The following VASP variants were observed in gnomAD, a reference collection of about 807,000 sequenced individuals.
The protein encoded by VASP is vasodilator stimulated phosphoprotein, also known as vasodilator-stimulated phosphoprotein.
A neutral mutation model predicts 54.4 loss-of-function variants in VASP; 27 were observed. That is an observed-to-expected ratio of 0.50 (90% CI 0.37 to 0.68). The LOEUF (loss-of-function observed/expected upper bound fraction) is 0.68, where lower values mean the gene tolerates loss of function less well. Among genes scored for constraint, VASP ranks in the 30% least tolerant of loss-of-function variants. The pLI is 0.00. For missense variants in VASP, 488 were observed against 528.3 expected (o/e 0.92, Z 0.75); for synonymous variants, 233 against 209.8 (o/e 1.11, Z -0.96).
rs1568390471 is a variant in VASP at position 45,523,189 on chromosome 19, A to ATTTTTT, written c.821+371_821+372insTTTTTT. ...CTGATTCTAGAACCACAATCTCTTGAATTTTTTTTTTTTTTTTTTTTTTTT... is the reference window on the plus strand; with the variant it reads ...CTGATTCTAGAACCACAATCTCTTGATTTTTTATTTTTTTTTTTTTTTTTTTTTTTT... On this transcript the variant is annotated intron_variant, in intron 7 of 12. Transcript: ENST00000245932. 8.1e-3 allele frequency among the ~76,000 whole-genome samples: 866 copies of ATTTTTT among 106,870 alleles called. 64 individuals carry two copies. Among genetic ancestry groups the ATTTTTT allele is most frequent in the African/African-American group, 8.9e-3 (220 of 24,702 alleles). The allele number at this position is 106,870 out of a possible 152,430, so 70.1% of individuals were successfully genotyped here.
chr19:45,510,225 G>T (rs1990389), intron 1 of VASP, among the ~76,000 whole-genome samples: 23,492 of 119,592 alleles, frequency 0.2, 2,044 homozygotes, highest in East Asian at 0.32. Context: ...TTTTTTTGTT[G>T]GTTTGTTTGT....
intron 3 of VASP, among the ~76,000 whole-genome samples, chr19:45,520,380 G>A (rs574091587): frequency 8.5e-5 from 13 of 152,276 alleles, no homozygotes; most frequent in African/African-American, 2.4e-4. Flanking sequence ...GGTGACTGCC[G>A]TGCATCTGGC....
At chr19:45,518,134 G>T (rs1190014003) in intron 3 of VASP, 40 bp downstream of exon 3, 2 of 1,596,280 alleles carry the variant, frequency 1.3e-6, no homozygotes, top group African/African-American at 2.7e-5. Context: ...AGTGAATGCG[G>T]CTGTGTGGCC....
Position 45,517,849 on chromosome 19 carries a change from C to T in VASP, c.177+15C>T, listed in dbSNP as rs542558077. 22 of 1,611,572 alleles carry T rather than the reference C, an allele frequency of 1.4e-5. No homozygotes were observed. The highest frequency in any genetic ancestry group is 4.0e-5 in the African/African-American group (3 of 75,042). ...CCGACCAGCAGGTGCAGCTTCCCGC[C>T]GGCCCCCTCTGTGGGCTGAACCCCT... is the stretch of plus-strand genomic sequence containing the variant. On this transcript the variant is annotated intron_variant, in intron 2 of 12. Transcript: ENST00000245932.
In VASP at chr19:45,521,377, C is replaced by T; in HGVS notation, c.399C>T (p.Pro133=). 1 of 1,579,316 alleles carries T rather than the reference C, an allele frequency of 6.3e-7. No homozygotes were observed. The stretch of plus-strand genomic sequence containing the variant: ...CCACCTGGTCGGTCCCGAACGGCCC[C>T]TCCCCGGAGGAGGTGGAGCAGCAGA... The part of the protein sequence containing the change: ...ALPTWSVPNG[P]SPEEVEQQKR... Residue 133 remains proline, a synonymous_variant, in exon 4 of 13, where the codon CCC becomes CCT. Coordinates refer to ENST00000245932, the MANE Select transcript of VASP (RefSeq NM_003370.4).
Position 45,517,777 on chromosome 19 carries a change from C to T in VASP, c.120C>T (p.His40=), listed in dbSNP as rs1968735828. 1.9e-6 allele frequency: 3 copies of T among 1,613,934 alleles called. No individual in the cohort carries two copies. The highest frequency in any genetic ancestry group is 1.3e-5 in the African/African-American group (1 of 75,042). ...PQAFSRVQIY[H]NPTANSFRVV... ...CCTTCAGCCGCGTCCAGATCTACCACAACCCCACGGCCAATTCCTTTCGCG... is the reference window on the plus strand; with the variant it reads ...CCTTCAGCCGCGTCCAGATCTACCATAACCCCACGGCCAATTCCTTTCGCG... The change falls in exon 2 of 13, where the codon CAC becomes CAT. Residue 40 remains histidine (H), a synonymous_variant. Coordinates refer to ENST00000245932, the MANE Select transcript of VASP (RefSeq NM_003370.4).
chr19:45,518,150 C>A, intron 3 of VASP, 56 bp downstream of exon 3: 1 of 1,576,204 alleles, frequency 6.3e-7, no homozygotes, highest in South Asian at 1.2e-5. Context: ...TGGCCTGGGG[C>A]TGCCGCTTTA....
Position 45,518,188 on chromosome 19 carries a change from G to C in VASP, c.343+94G>C, listed in dbSNP as rs1269538996. The C allele has an allele frequency of 5.5e-6, 8 of 1,464,724 alleles. No homozygotes were observed. The African/African-American group carries it at 7.1e-5, about 13-fold the overall frequency. 90.7% of individuals were successfully genotyped at this position (1,464,724 alleles called of 1,614,324 possible). ...CTGCTGGGACTTGGTTTACTCGTCG[G>C]TAAAATAGAGCGAATTCATTGTTAT... On this transcript the variant is annotated intron_variant, in intron 3 of 12. Coordinates refer to ENST00000245932, the MANE Select transcript of VASP (RefSeq NM_003370.4).
chr19:45,523,587 T>A, intron 7 of VASP, 57 bp from the exon 8 acceptor site: 3 of 1,600,572 alleles, frequency 1.9e-6, no homozygotes, highest in Non-Finnish European at 2.6e-6. Context: ...AGAACTCCCC[T>A]CAGAAGGGGA....
intron 1 of VASP, among the ~76,000 whole-genome samples, chr19:45,510,483 C>G (rs573516318): frequency 1.4e-4 from 22 of 152,274 alleles, no homozygotes; most frequent in Non-Finnish European, 2.8e-4. Flanking sequence ...GCCTCGACCT[C>G]CTAAAGTGTT....
chr19:45,526,716 G>A lies in VASP; in HGVS notation c.*539G>A, dbSNP rs1197258475. On this transcript the variant is annotated 3_prime_UTR_variant, in exon 13 of 13. Transcript: ENST00000245932. ...GGAGGGGATGTCTCACCGGGCTGGG[G>A]GTGAGATATCCCCCCACCCCAGGGA... 1 of 152,236 alleles carries A rather than the reference G, an allele frequency of 6.6e-6. No individual in the cohort carries two copies. Among genetic ancestry groups the A allele is most frequent in the African/African-American group, 2.4e-5 (1 of 41,320 alleles). The allele number at this position is 152,236 out of a possible 1,614,324, so 9.4% of individuals were successfully genotyped here.
chr19:45,513,122 C>T (rs964447028), intron 1 of VASP, among the ~76,000 whole-genome samples: 1 of 152,154 alleles, frequency 6.6e-6, no homozygotes, highest in Admixed American at 6.5e-5. Flanking sequence ...GCGTCAGAGC[C>T]TATCCCATGA....
At chr19:45,510,152 A>C (rs1968572020) in intron 1 of VASP, among the ~76,000 whole-genome samples, 1 of 152,042 alleles carries the variant, frequency 6.6e-6, no homozygotes. Flanking sequence ...AAAATAAGAG[A>C]CCATTTGATC....
chr19:45,526,420 C>A lies in VASP; in HGVS notation c.*243C>A. On this transcript the variant is annotated 3_prime_UTR_variant, in exon 13 of 13. Coordinates refer to ENST00000245932, the MANE Select transcript of VASP (RefSeq NM_003370.4). Reference sequence around the variant, plus strand: ...TTTGGTCCTTCCCCTCTGCCATCCCCTTGGGGCCGGTCCCTCTGCTGGGGA... The same window carrying A: ...TTTGGTCCTTCCCCTCTGCCATCCCATTGGGGCCGGTCCCTCTGCTGGGGA... 2.1e-6 allele frequency: 1 copy of A among 477,380 alleles called. No individual in the cohort carries two copies. Among genetic ancestry groups the A allele is most frequent in the Non-Finnish European group, 3.7e-6 (1 of 272,798 alleles). The allele number at this position is 477,380 out of a possible 1,614,324, so 29.6% of individuals were successfully genotyped here.
intron 8 of VASP, 34 bp downstream of exon 8, chr19:45,523,729 T>G: frequency 6.2e-7 from 1 of 1,614,024 alleles, no homozygotes; most frequent in Non-Finnish European, 8.5e-7. Context: ...CTACATCTCT[T>G]AGGCCGTACC....
intron 9 of VASP, 101 bp downstream of exon 9, chr19:45,523,978 T>C (rs549735471): frequency 6.2e-7 from 1 of 1,610,128 alleles, no homozygotes; most frequent in East Asian, 2.2e-5. Context: ...CGAATGGTGC[T>C]GGGGATTGTA....
In VASP at chr19:45,524,589, G is replaced by A; in HGVS notation, c.976G>A (p.Val326Met). ...CCCCAGGATGAAGTCGTCTTCTTCG[G>A]TGACCACTTCCGAGACCCAACCCTG... ...TLPRMKSSSS[V>M]TTSETQPCTP... is the part of the protein sequence containing the mutation. The change falls in exon 11 of 13, where the codon GTG becomes ATG. Residue 326 changes from valine (V) to methionine (M), a missense_variant. Coordinates refer to ENST00000245932, the MANE Select transcript of VASP (RefSeq NM_003370.4). 1 of 1,613,986 alleles carries A rather than the reference G, an allele frequency of 6.2e-7. No individual in the cohort carries two copies. Among genetic ancestry groups the A allele is most frequent in the South Asian group, 1.1e-5 (1 of 91,082 alleles).
chr19:45,524,222 G>A, intron 10 of VASP, 80 bp downstream of exon 10: 1 of 1,518,258 alleles, frequency 6.6e-7, no homozygotes, highest in Non-Finnish European at 9.1e-7. Context: ...ACCAGCCTGG[G>A]CAACATGGCG....
intron 3 of VASP, among the ~76,000 whole-genome samples, chr19:45,519,146 C>T (rs1250947428): frequency 2.0e-5 from 3 of 152,236 alleles, no homozygotes; most frequent in Non-Finnish European, 4.4e-5. Context: ...TCCCGAGTAG[C>T]TGGGACTATA....
Sources: allele counts gnomAD v4.1 joint callset (sites outside exome capture counted in the v4.1 genomes callset), GRCh38; gene constraint gnomAD v4.1.1; transcripts MANE v1.5; gene names NCBI Gene and HGNC (gene_info 2026-07-23, HGNC 2026-07-21).